EPB41L2: variants seen among roughly 807,000 people sequenced by gnomAD.
The protein encoded by EPB41L2 is band 4.1-like protein 2.
In EPB41L2, 43 loss-of-function variants were observed where a neutral mutation model predicts 113.0. That is an observed-to-expected ratio of 0.38 (90% confidence interval 0.30 to 0.49). The LOEUF is 0.49. Ranked by LOEUF, EPB41L2 falls within the 20% of genes least tolerant of loss-of-function variation. The pLI, the probability that EPB41L2 is intolerant of heterozygous loss-of-function variation, is 0.95. For missense variants in EPB41L2, 1,147 were observed against 1,223.4 expected (o/e 0.94, Z 0.93); for synonymous variants, 442 against 436.7 (o/e 1.01, Z -0.15).
intron 3 of EPB41L2, among the ~76,000 whole-genome samples, chr6:130,934,562 TTCTAGGCTCAAACG>T (rs1412081251): frequency 6.6e-6 from 1 of 152,130 alleles, no homozygotes; most frequent in Non-Finnish European, 1.5e-5. Flanking sequence ...AGCCTCAAAC[TTCTAGGCTCAAACG>T]ATCTTCCTGC....
At chr6:130,951,619 C>T (rs938463650) in intron 3 of EPB41L2, among the ~76,000 whole-genome samples, 19 of 151,934 alleles carry the variant, frequency 1.3e-4, no homozygotes, top group African/African-American at 4.3e-4. Context: ...CCACTGTGCC[C>T]GGCCAGCCTC....
chr6:130,975,213 T>A (rs1223904878), intron 1 of EPB41L2, among the ~76,000 whole-genome samples: 2 of 152,222 alleles, frequency 1.3e-5, no homozygotes, highest in South Asian at 4.1e-4. Context: ...ATCTATTACA[T>A]GTATTTTGAG....
chr6:130,898,127 G>C (rs796154055), intron 8 of EPB41L2, among the ~76,000 whole-genome samples: 11 of 149,872 alleles, frequency 7.3e-5, no homozygotes, highest in African/African-American at 2.4e-4. Flanking sequence ...AAAGAAAAAA[G>C]GTATTAAGAA....
chr6:130,997,735 C>T (rs1204714470), intron 1 of EPB41L2, among the ~76,000 whole-genome samples: 1 of 152,052 alleles, frequency 6.6e-6, no homozygotes, highest in South Asian at 2.1e-4. Flanking sequence ...TAGGACACTA[C>T]AGGACTATTG....
chr6:131,049,340 T>C (rs940765466), intron 1 of EPB41L2, among the ~76,000 whole-genome samples: 1 of 152,236 alleles, frequency 6.6e-6, no homozygotes, highest in South Asian at 2.1e-4. Flanking sequence ...ATGGATAAAT[T>C]TGATTTCTTT....
intron 14 of EPB41L2, among the ~76,000 whole-genome samples, chr6:130,870,643 GT>G (rs1483928194): frequency 6.6e-6 from 1 of 152,088 alleles, no homozygotes; most frequent in Non-Finnish European, 1.5e-5. Flanking sequence ...AGTTAAAACA[GT>G]TTACAAAAAT....
intron 1 of EPB41L2, among the ~76,000 whole-genome samples, chr6:131,059,370 TC>T (rs1180219071): frequency 6.6e-6 from 1 of 152,166 alleles, no homozygotes; most frequent in East Asian, 1.9e-4. Context: ...CGCCTCAGCC[TC>T]CCAAAGAGGT....
intron 18 of EPB41L2, among the ~76,000 whole-genome samples, chr6:130,859,359 A>G (rs1403629884): frequency 6.6e-6 from 1 of 152,132 alleles, no homozygotes; most frequent in African/African-American, 2.4e-5. Context: ...AGTCTCTACT[A>G]AAAACACCAG....
chr6:131,013,377 A>G (rs958567387), intron 1 of EPB41L2, among the ~76,000 whole-genome samples: 12 of 152,150 alleles, frequency 7.9e-5, no homozygotes, highest in Non-Finnish European at 1.5e-4. Flanking sequence ...GCAAAATATA[A>G]ATGCTACTTT....
At chr6:131,030,157 G>A (rs532809937) in intron 1 of EPB41L2, among the ~76,000 whole-genome samples, 1 of 152,240 alleles carries the variant, frequency 6.6e-6, no homozygotes, top group South Asian at 2.1e-4. Flanking sequence ...GAATAAAGTC[G>A]GCAAGAGGCA....
In EPB41L2 at chr6:130,968,245, C is replaced by T. The variant is rs538951369; in HGVS notation, c.-14-11746G>A. Among the ~76,000 whole-genome samples, 8 of 152,226 alleles carry T rather than the reference C, an allele frequency of 5.3e-5. No individual in the cohort carries two copies. In the South Asian group the frequency reaches 1.2e-3, roughly 24 times the overall value. ...ACAGGATAAACGCACAGGCTGCAGA[C>T]GCTGCATTTTAATAGGTCATAAGAC... On this transcript the variant is annotated intron_variant, in intron 1 of 19. Coordinates refer to ENST00000337057, the MANE Select transcript of EPB41L2 (RefSeq NM_001431.4).
Position 130,956,416 on chromosome 6 carries a change from T to C in EPB41L2, c.70A>G (p.Lys24Glu). The part of the protein sequence containing the change: ...DSSQLGTDAT[K>E]EKPKEVAENQ... ...TCTGCTACTTCTTTAGGTTTTTCCT[T>C]GGTTGCATCTGTTCCTAACTGGCTA... The change falls in exon 2 of 20, where the codon AAG (lysine) becomes GAG (glutamate). Residue 24 changes from lysine (K) to glutamate (E), a missense_variant. Physicochemically the swap from Lys to Glu is moderately conservative, Grantham distance 56. Coordinates refer to ENST00000337057, the MANE Select transcript of EPB41L2 (RefSeq NM_001431.4). 1 of 1,614,156 alleles carries C rather than the reference T, an allele frequency of 6.2e-7. No homozygotes were observed. The highest frequency in any genetic ancestry group is 8.5e-7 in the Non-Finnish European group (1 of 1,180,042).
chr6:131,009,199 T>C (rs536521635), intron 1 of EPB41L2, among the ~76,000 whole-genome samples: 32 of 152,310 alleles, frequency 2.1e-4, no homozygotes, highest in Admixed American at 1.1e-3. Flanking sequence ...GTTCTTGTGA[T>C]AGTGAGTTCT....
At position 130,999,096 on chromosome 6, in the gene EPB41L2, G is replaced by A. The variant is rs77526770; in HGVS notation, c.-14-42597C>T. Among the ~76,000 whole-genome samples the A allele has an allele frequency of 1.1e-3, 161 of 152,108 alleles. 1 individual carries two copies. Among genetic ancestry groups the A allele is most frequent in the African/African-American group, 3.6e-3 (150 of 41,484 alleles). On this transcript the variant is annotated intron_variant, in intron 1 of 19. Coordinates refer to ENST00000337057, the MANE Select transcript of EPB41L2 (RefSeq NM_001431.4). Reference sequence around the variant, plus strand: ...AATGCCCATAATGACGAGCACCACCGTAGAGTCCAGTTACCAGGCTATGAC... The same window carrying A: ...AATGCCCATAATGACGAGCACCACCATAGAGTCCAGTTACCAGGCTATGAC...
At chr6:130,914,053 C>T (rs539596885) in intron 4 of EPB41L2, among the ~76,000 whole-genome samples, 14 of 152,250 alleles carry the variant, frequency 9.2e-5, no homozygotes, top group East Asian at 3.9e-4. Flanking sequence ...CAGAAATACA[C>T]GCAGTAAAAT....
chr6:131,052,146 AG>A (rs1244326247), intron 1 of EPB41L2, among the ~76,000 whole-genome samples: 4 of 152,146 alleles, frequency 2.6e-5, no homozygotes, highest in African/African-American at 9.7e-5. Context: ...CATGTTGGCC[AG>A]GCTGGTCTCA....
chr6:130,924,535 T>C (rs1803986806), intron 4 of EPB41L2, among the ~76,000 whole-genome samples: 2 of 152,062 alleles, frequency 1.3e-5, no homozygotes, highest in Non-Finnish European at 1.5e-5. Flanking sequence ...CATGCCACCA[T>C]GCCCGACTAA....
chr6:130,900,983 G>A lies in EPB41L2; in HGVS notation c.1127C>T (p.Ala376Val). ...TQTKELEEKV[A>V]ELHKTHRGLS... ...AGACCTGTGGGTTTTGTGCAGCTCTGCCACCTTCTCTTCCAGCTCCTTAGT... is the reference window on the plus strand; with the variant it reads ...AGACCTGTGGGTTTTGTGCAGCTCTACCACCTTCTCTTCCAGCTCCTTAGT... Residue 376 changes from alanine (A) to valine (V), a missense_variant, in exon 7 of 20, where the codon GCA becomes GTA. By Grantham distance (64) the Ala-to-Val change is moderately conservative. Coordinates refer to ENST00000337057, the MANE Select transcript of EPB41L2 (RefSeq NM_001431.4). The A allele has an allele frequency of 6.2e-7, 1 of 1,614,132 alleles. No homozygotes were observed. Among genetic ancestry groups the A allele is most frequent in the Non-Finnish European group, 8.5e-7 (1 of 1,179,992 alleles).
intron 15 of EPB41L2, chr6:130,867,968 ACACACTCTCT>A (rs773807507): frequency 6.2e-4 from 83 of 133,332 alleles, no homozygotes; most frequent in East Asian, 3.1e-3. Flanking sequence ...ACACACACAC[ACACACTCTCT>A]CTCTCTCTCT....
Sources: allele counts gnomAD v4.1 joint callset (sites outside exome capture counted in the v4.1 genomes callset), GRCh38; gene constraint gnomAD v4.1.1; transcripts MANE v1.5; gene names NCBI Gene and HGNC (gene_info 2026-07-23, HGNC 2026-07-21).